SPAG17: variants seen among roughly 807,000 people sequenced by gnomAD.
SPAG17 encodes the protein sperm-associated antigen 17.
In SPAG17, 169 loss-of-function variants were observed where a neutral mutation model predicts 273.6. The ratio of observed to expected loss-of-function variants is 0.62; its 90% confidence interval spans 0.55 to 0.70. SPAG17 has a LOEUF of 0.70. Ranked by LOEUF, SPAG17 falls within the 30% of genes least tolerant of loss-of-function variation. SPAG17 has a pLI of 0.00. For missense variants in SPAG17, 2,557 were observed against 2,627.8 expected, an observed-to-expected ratio of 0.97 and a Z score of 0.59; for synonymous variants, 825 against 873.2, an observed-to-expected ratio of 0.94 and a Z score of 0.97.
chr1:118,102,643 T>A (rs2102223442), intron 4 of SPAG17, among the ~76,000 whole-genome samples: 1 of 152,338 alleles, frequency 6.6e-6, no homozygotes, highest in Admixed American at 6.5e-5. Context: ...GCATGTACCA[T>A]GTAAACATTA....
Position 117,988,204 on chromosome 1 carries a change from A to G in SPAG17, c.5522T>C (p.Val1841Ala). ...GAATAAATCAGTTAGGTGAGCTGCA[A>G]CTTTAAACATAGATGTATTTAACTT... Reference protein sequence around the residue: ...EETTKSHVTEVAAHLTDLFKQ... With the variant: ...EETTKSHVTEAAAHLTDLFKQ... The change falls in exon 39 of 49, where the codon GTT becomes GCT. Residue 1841 changes from valine to alanine, a missense_variant and splice_region_variant. Physicochemically the swap from Val to Ala is moderately conservative, Grantham distance 64. Coordinates refer to ENST00000336338, the MANE Select transcript of SPAG17 (RefSeq NM_206996.4). The G allele has an allele frequency of 6.3e-7, 1 of 1,592,526 alleles. No homozygotes were observed. The highest frequency in any genetic ancestry group is 8.5e-7 in the Non-Finnish European group (1 of 1,172,370).
chr1:118,130,626 A>G (rs1225552544), intron 3 of SPAG17, among the ~76,000 whole-genome samples: 1 of 152,128 alleles, frequency 6.6e-6, no homozygotes, highest in Non-Finnish European at 1.5e-5. Context: ...CAGTCCTTCC[A>G]GTTCATCCAC....
intron 41 of SPAG17, 90 bp from the exon 42 acceptor site, chr1:117,984,003 CAT>C: frequency 3.3e-6 from 2 of 599,256 alleles, no homozygotes; most frequent in Non-Finnish European, 5.7e-6. Context: ...ATAATGAAAA[CAT>C]ATTTTTAATG....
intron 7 of SPAG17, 47 bp from the exon 8 acceptor site, chr1:118,093,364 T>C (rs1471286533): frequency 1.3e-6 from 2 of 1,542,316 alleles, no homozygotes; most frequent in Non-Finnish European, 1.8e-6. Context: ...TTTTACACTG[T>C]TGGAATCAGA....
chr1:118,012,421 C>G (rs140156731), intron 29 of SPAG17, 49 bp from the exon 30 acceptor site: 2 of 1,576,582 alleles, frequency 1.3e-6, no homozygotes, highest in East Asian at 2.3e-5. Context: ...TGGTTCATCC[C>G]AAGTGTACTT....
intron 15 of SPAG17, among the ~76,000 whole-genome samples, chr1:118,079,112 T>C (rs1654334696): frequency 6.6e-6 from 1 of 152,102 alleles, no homozygotes; most frequent in African/African-American, 2.4e-5. Context: ...ATATGCTACT[T>C]TTCTATTTTC....
chr1:118,093,788 A>G (rs1243692105), intron 7 of SPAG17, among the ~76,000 whole-genome samples: 1 of 152,256 alleles, frequency 6.6e-6, no homozygotes, highest in Non-Finnish European at 1.5e-5. Context: ...CATCTACACA[A>G]GTATGTGGGC....
intron 1 of SPAG17, among the ~76,000 whole-genome samples, chr1:118,180,598 T>C (rs1399159426): frequency 1.3e-5 from 2 of 152,084 alleles, no homozygotes; most frequent in African/African-American, 4.8e-5. Flanking sequence ...AATTGGAATG[T>C]TTCTAGTATA....
chr1:118,040,517 T>A (rs1291986897), intron 22 of SPAG17, among the ~76,000 whole-genome samples: 1 of 152,178 alleles, frequency 6.6e-6, no homozygotes, highest in South Asian at 2.1e-4. Flanking sequence ...CATATTAGCA[T>A]GTACCAGCTA....
chr1:118,093,053 TGTAA>T, intron 8 of SPAG17, 99 bp downstream of exon 8: 1 of 1,245,926 alleles, frequency 8.0e-7, no homozygotes, highest in Non-Finnish European at 1.1e-6. Context: ...ATGACCTTAA[TGTAA>T]GTATTTATGT....
intron 1 of SPAG17, among the ~76,000 whole-genome samples, chr1:118,164,134 T>C (rs998705369): frequency 6.6e-6 from 1 of 152,222 alleles, no homozygotes; most frequent in Non-Finnish European, 1.5e-5. Context: ...TCTTGGCACA[T>C]ATTAGCTATG....
intron 25 of SPAG17, among the ~76,000 whole-genome samples, chr1:118,031,482 T>C (rs1368524326): frequency 6.6e-6 from 1 of 152,184 alleles, no homozygotes. Flanking sequence ...AGACAACTTA[T>C]GTATGACAAT....
At chr1:118,154,390 G>A (rs530348192) in intron 1 of SPAG17, among the ~76,000 whole-genome samples, 1 of 152,290 alleles carries the variant, frequency 6.6e-6, no homozygotes, top group African/African-American at 2.4e-5. Context: ...TGCCTACAGA[G>A]AAGGATGCAC....
At chr1:118,010,281 TAACC>T (rs1557902276) in intron 30 of SPAG17, among the ~76,000 whole-genome samples, 1 of 131,820 alleles carries the variant, frequency 7.6e-6, no homozygotes, top group East Asian at 4.1e-4. Flanking sequence ...GAGGCAACCG[TAACC>T]GTGCTACTCA....
intron 48 of SPAG17, chr1:117,962,098 C>T (rs567825246): frequency 2.6e-5 from 4 of 151,250 alleles, no homozygotes; most frequent in South Asian, 2.1e-4. Flanking sequence ...GCTGTTTTCC[C>T]GTAGCTTTGC....
chr1:118,079,183 A>G (rs1393156399), intron 15 of SPAG17, among the ~76,000 whole-genome samples: 1 of 152,096 alleles, frequency 6.6e-6, no homozygotes, highest in Non-Finnish European at 1.5e-5. Context: ...TCAGTTACCA[A>G]TGAGATCATT....
chr1:118,081,732 C>T (rs1654590884), intron 13 of SPAG17, 90 bp from the exon 14 acceptor site: 1 of 1,088,178 alleles, frequency 9.2e-7, no homozygotes. Context: ...AGTCTGTCTA[C>T]CAGAAAGACA....
chr1:118,053,986 A>C lies in SPAG17; in HGVS notation c.2814+16T>G, dbSNP rs371384898. 6 of 1,586,374 alleles carry C rather than the reference A, an allele frequency of 3.8e-6. No individual in the cohort carries two copies. Among genetic ancestry groups the C allele is most frequent in the Non-Finnish European group, 5.2e-6 (6 of 1,159,048 alleles). ...TAGTTTTGCCTGTTTTTTAAACTTTATGTAAGCTGGATTACCTTGAGAGAG... is the reference window on the plus strand; with the variant it reads ...TAGTTTTGCCTGTTTTTTAAACTTTCTGTAAGCTGGATTACCTTGAGAGAG... On this transcript the variant is annotated intron_variant, in intron 20 of 48. Transcript: ENST00000336338.
chr1:118,043,204 G>A (rs886276159), intron 20 of SPAG17, among the ~76,000 whole-genome samples: 2 of 152,138 alleles, frequency 1.3e-5, no homozygotes, highest in African/African-American at 2.4e-5. Flanking sequence ...CCTGAAAATG[G>A]AATTGAATTT....
Sources: gnomAD v4.1 joint callset for allele counts (sites outside exome capture counted in the v4.1 genomes callset) on GRCh38, gnomAD v4.1.1 for gene constraint, MANE v1.5 for transcripts, NCBI Gene and HGNC (gene_info 2026-07-23, HGNC 2026-07-21) for gene names.